Variants in LUZP1 observed in about 807,000 individuals in gnomAD.
LUZP1 encodes filamin mechanobinding actin cross-linking protein.
A neutral mutation model predicts 71.3 loss-of-function variants in LUZP1; 25 were observed. The ratio of observed to expected loss-of-function variants is 0.35; its 90% CI spans 0.26 to 0.49. The LOEUF (loss-of-function observed/expected upper bound fraction) is 0.49. Ranked by LOEUF, LUZP1 falls within the 20% of genes least tolerant of loss-of-function variation. The pLI, the probability that LUZP1 is intolerant of heterozygous loss-of-function variation, is 0.99. For synonymous variants in LUZP1, 481 were observed against 506.4 expected, an observed-to-expected ratio of 0.95 and a Z score of 0.67; for missense variants, 1,142 against 1,300.8, an observed-to-expected ratio of 0.88 and a Z score of 1.88.
At chr1:23,101,475 G>C (rs1245570876) in intron 3 of LUZP1, among the ~76,000 whole-genome samples, 1 of 152,112 alleles carries the variant, frequency 6.6e-6, no homozygotes, top group African/African-American at 2.4e-5. Flanking sequence ...GTTTGGCCAA[G>C]TCACTGATTT....
At chr1:23,123,840 A>G (rs1242038949) in intron 2 of LUZP1, among the ~76,000 whole-genome samples, 1 of 152,128 alleles carries the variant, frequency 6.6e-6, no homozygotes, top group Non-Finnish European at 1.5e-5. Flanking sequence ...GACCTAAGAC[A>G]TTTGCTATTC....
At chr1:23,148,450 A>C (rs1644359332) in intron 2 of LUZP1, among the ~76,000 whole-genome samples, 1 of 152,198 alleles carries the variant, frequency 6.6e-6, no homozygotes, top group Admixed American at 6.5e-5. Flanking sequence ...TGCTTTACTA[A>C]ATTTGTATTA....
At chr1:23,107,651 A>G (rs185075292) in intron 3 of LUZP1, among the ~76,000 whole-genome samples, 1 of 152,222 alleles carries the variant, frequency 6.6e-6, no homozygotes, top group East Asian at 1.9e-4. Context: ...AAATACAAAA[A>G]TTAGCCCAGG....
chr1:23,151,883 T>C (rs1644387541), intron 2 of LUZP1, among the ~76,000 whole-genome samples: 1 of 151,542 alleles, frequency 6.6e-6, no homozygotes, highest in African/African-American at 2.4e-5. Context: ...ATACCTGTAG[T>C]CCCAGCTGCT....
At chr1:23,158,727 G>T (rs1425535084) in intron 2 of LUZP1, among the ~76,000 whole-genome samples, 1 of 151,244 alleles carries the variant, frequency 6.6e-6, no homozygotes, top group Non-Finnish European at 1.5e-5. Context: ...AGCACTTTGG[G>T]AGGCGGAGGT....
At chr1:23,091,839 G>A in exon 4 of LUZP1, 1 of 1,614,140 alleles carries the variant, frequency 6.2e-7, no homozygotes, top group Non-Finnish European at 8.5e-7. Context: ...ACCCGGAGCA[G>A]CTCTGGGGCT....
chr1:23,095,574 G>C (rs185818059), intron 3 of LUZP1, among the ~76,000 whole-genome samples: 6 of 152,244 alleles, frequency 3.9e-5, no homozygotes, highest in Admixed American at 3.3e-4. Context: ...GGTATAAGAG[G>C]CAAGAGTTTG....
At chr1:23,131,466 G>A (rs1168717388) in intron 2 of LUZP1, among the ~76,000 whole-genome samples, 3 of 151,792 alleles carry the variant, frequency 2.0e-5, no homozygotes, top group African/African-American at 7.3e-5. Flanking sequence ...TTTACTACTT[G>A]TCTCTCCCAA....
rs867224567 is a variant in LUZP1 at position 23,111,616 on chromosome 1, G to T, written c.-225-2489C>A. On this transcript the variant is annotated intron_variant, in intron 2 of 4. Transcript: ENST00000302291. Reference sequence around the variant, plus strand: ...AGGCGGCACCCAAGAGATAGCTTAGGTGGATGTGGGGGAAGCTTTAGCTCT... The same window carrying T: ...AGGCGGCACCCAAGAGATAGCTTAGTTGGATGTGGGGGAAGCTTTAGCTCT... Among the ~76,000 whole-genome samples, 47 of 152,210 alleles carry T rather than the reference G, an allele frequency of 3.1e-4. No homozygotes were observed. The Middle Eastern group carries it at 0.01, about 33-fold the overall frequency.
intron 1 of LUZP1, among the ~76,000 whole-genome samples, chr1:23,172,840 T>A (rs1644560037): frequency 6.6e-6 from 1 of 151,624 alleles, no homozygotes; most frequent in African/African-American, 2.4e-5. Context: ...TATTTTTATT[T>A]TTATTTTTTT....
intron 2 of LUZP1, among the ~76,000 whole-genome samples, chr1:23,156,940 T>C (rs1473660974): frequency 2.0e-5 from 3 of 152,226 alleles, no homozygotes; most frequent in African/African-American, 7.2e-5. Context: ...TGCACAATGA[T>C]GACTTACCAG....
chr1:23,145,254 T>G (rs1644333140), intron 2 of LUZP1, among the ~76,000 whole-genome samples: 1 of 152,120 alleles, frequency 6.6e-6, no homozygotes, highest in African/African-American at 2.4e-5. Context: ...CATGGATTTC[T>G]TTGTAAAACA....
chr1:23,177,078 G>T (rs567239756), intron 1 of LUZP1, among the ~76,000 whole-genome samples: 41 of 151,654 alleles, frequency 2.7e-4, no homozygotes, highest in Non-Finnish European at 5.6e-4. Context: ...GATGATGGGG[G>T]GGGGGTCTCA....
chr1:23,094,664 CATT>C lies in LUZP1; in HGVS notation c.-119-287_-119-285del, dbSNP rs1399704758. Among the ~76,000 whole-genome samples the C allele has an allele frequency of 1.3e-5, 2 of 152,134 alleles. No homozygotes were observed. The highest frequency in any genetic ancestry group is 6.5e-5 in the Admixed American group (1 of 15,278). ...TTTTCATGGCAGGGTATAATAACAT[CATT>C]ACCATCTGCAACCTGCATAATCTCA... On this transcript the variant is annotated intron_variant, in intron 3 of 4. Coordinates refer to ENST00000302291, the Ensembl canonical transcript of LUZP1. The surrounding 1 kb of genome is among the most constrained non-coding windows in gnomAD (Gnocchi z 4.7).
chr1:23,160,362 C>T (rs1644454570), intron 2 of LUZP1, among the ~76,000 whole-genome samples: 1 of 152,200 alleles, frequency 6.6e-6, no homozygotes, highest in African/African-American at 2.4e-5. Flanking sequence ...TACCTAGTGT[C>T]TTGTTTCTGT....
intron 2 of LUZP1, among the ~76,000 whole-genome samples, chr1:23,150,767 C>T (rs1301647228): frequency 6.6e-6 from 1 of 152,172 alleles, no homozygotes; most frequent in Non-Finnish European, 1.5e-5. Flanking sequence ...AACAAGTCTT[C>T]AGCACTAACT....
chr1:23,166,038 G>C (rs1208915179), intron 2 of LUZP1, among the ~76,000 whole-genome samples: 1 of 127,880 alleles, frequency 7.8e-6, no homozygotes, highest in African/African-American at 3.1e-5. Context: ...TTATATGTTT[G>C]TCTTTTTACC....
At chr1:23,143,355 T>TA (rs1417357532) in intron 2 of LUZP1, among the ~76,000 whole-genome samples, 1 of 152,076 alleles carries the variant, frequency 6.6e-6, no homozygotes, top group Non-Finnish European at 1.5e-5. Context: ...AATCTATGTA[T>TA]AAAAAAGAAA....
At chr1:23,138,702 T>C (rs1569647537) in intron 2 of LUZP1, among the ~76,000 whole-genome samples, 1 of 57,786 alleles carries the variant, frequency 1.7e-5, no homozygotes, top group Admixed American at 1.4e-4. Flanking sequence ...TGTGTGTATA[T>C]ATATATATAT....
Sources: gnomAD v4.1 joint callset for allele counts (sites outside exome capture counted in the v4.1 genomes callset) on GRCh38, gnomAD v4.1.1 for gene constraint, Gnocchi (gnomAD v3.1) non-coding constraint, MANE v1.5 for transcripts, NCBI Gene and HGNC (gene_info 2026-07-23, HGNC 2026-07-21) for gene names.